Variants in DOCK3 observed in about 807,000 individuals in gnomAD.
DOCK3 encodes the protein dedicator of cytokinesis 3.
Under a neutral mutation model 265.6 loss-of-function variants are expected in DOCK3, and 60 were observed. The observed-to-expected ratio is 0.23, with a 90% confidence interval of 0.18 to 0.28. DOCK3 has a LOEUF of 0.28. Ranked by LOEUF, DOCK3 falls within the 10% of genes least tolerant of loss-of-function variation. The pLI, the probability that DOCK3 is intolerant of heterozygous loss-of-function variation, is 1.00. For synonymous variants in DOCK3, 881 were observed against 938.0 expected, an observed-to-expected ratio of 0.94 and a Z score of 1.11; for missense variants, 1,981 against 2,594.3, an observed-to-expected ratio of 0.76 and a Z score of 5.14.
At chr3:51,142,929 C>T (rs1178773775) in intron 9 of DOCK3, among the ~76,000 whole-genome samples, 2 of 151,948 alleles carry the variant, frequency 1.3e-5, no homozygotes, top group Non-Finnish European at 2.9e-5. Context: ...TCTTGTTGCC[C>T]GGGCTGGAGT....
chr3:51,320,263 G>T (rs1220429574), intron 32 of DOCK3, among the ~76,000 whole-genome samples: 1 of 152,148 alleles, frequency 6.6e-6, no homozygotes, highest in African/African-American at 2.4e-5. Flanking sequence ...GAGGGACTGT[G>T]AACTGTGCAA....
chr3:51,041,162 G>GTATATATATATA (rs1167854334), intron 5 of DOCK3, among the ~76,000 whole-genome samples: 5 of 30,876 alleles, frequency 1.6e-4, no homozygotes, highest in South Asian at 3.1e-3. Context: ...CTTACAAAAT[G>GTATATATATATA]TATATATATA....
At chr3:50,719,858 G>T in intron 1 of DOCK3, 2 of 701,984 alleles carry the variant, frequency 2.8e-6, no homozygotes, top group Non-Finnish European at 5.2e-6. Context: ...TCTTTCCAGT[G>T]CTCAGAGCAT....
At chr3:50,730,246 A>G (rs2038111709) in intron 1 of DOCK3, among the ~76,000 whole-genome samples, 1 of 152,062 alleles carries the variant, frequency 6.6e-6, no homozygotes, top group South Asian at 2.1e-4. Flanking sequence ...GGTTCAAGCG[A>G]TTCTCCTGCC....
intron 9 of DOCK3, among the ~76,000 whole-genome samples, chr3:51,104,197 G>A (rs1478474922): frequency 1.3e-4 from 20 of 152,272 alleles, no homozygotes; most frequent in Admixed American, 1.2e-3. Flanking sequence ...GAAGCTCTCA[G>A]GCAGAAGCAT....
At chr3:51,091,956 C>T (rs764222266) in intron 9 of DOCK3, among the ~76,000 whole-genome samples, 39 of 152,186 alleles carry the variant, frequency 2.6e-4, no homozygotes, top group Admixed American at 8.5e-4. Flanking sequence ...CTGAGCCTGA[C>T]GAACTGTGCA....
chr3:50,869,391 G>T (rs866864443), intron 3 of DOCK3, among the ~76,000 whole-genome samples: 1,387 of 29,252 alleles, frequency 0.047, 91 homozygotes, highest in African/African-American at 0.14. Context: ...TTTTTTTTTT[G>T]GAGATAGGGT....
At chr3:50,883,246 C>A (rs1415627153) in intron 3 of DOCK3, among the ~76,000 whole-genome samples, 3 of 151,674 alleles carry the variant, frequency 2.0e-5, no homozygotes, top group Non-Finnish European at 2.9e-5. Flanking sequence ...TGCACATGTA[C>A]CCTAGAACTT....
At chr3:50,788,485 C>A (rs561670978) in intron 2 of DOCK3, among the ~76,000 whole-genome samples, 1 of 152,332 alleles carries the variant, frequency 6.6e-6, no homozygotes, top group East Asian at 1.9e-4. Flanking sequence ...CAAGAGCAGA[C>A]CACTAGTGAT....
chr3:51,274,575 C>T (rs909506539), intron 24 of DOCK3, among the ~76,000 whole-genome samples: 5 of 151,998 alleles, frequency 3.3e-5, no homozygotes, highest in African/African-American at 1.2e-4. Flanking sequence ...CCCAGGAGTT[C>T]AAGACTAGCT....
At chr3:51,076,829 G>A (rs2082072811) in intron 7 of DOCK3, among the ~76,000 whole-genome samples, 1 of 152,190 alleles carries the variant, frequency 6.6e-6, no homozygotes, top group East Asian at 1.9e-4. Flanking sequence ...AAGGCACACA[G>A]CATATGGAAG....
intron 14 of DOCK3, among the ~76,000 whole-genome samples, chr3:51,223,335 T>C (rs1265431419): frequency 6.6e-6 from 1 of 152,164 alleles, no homozygotes; most frequent in Admixed American, 6.5e-5. Context: ...AACCTGTGTA[T>C]AGAGCCACAG....
intron 31 of DOCK3, among the ~76,000 whole-genome samples, chr3:51,313,375 C>G (rs901693862): frequency 6.6e-6 from 1 of 152,206 alleles, no homozygotes; most frequent in Non-Finnish European, 1.5e-5. Flanking sequence ...ATACTTGACA[C>G]CAGTTGCATG....
At chr3:50,717,302 C>T (rs898908894) in intron 1 of DOCK3, among the ~76,000 whole-genome samples, 1 of 152,180 alleles carries the variant, frequency 6.6e-6, no homozygotes, top group African/African-American at 2.4e-5. Context: ...TGAGTGTACG[C>T]ACTTGTCTTT....
chr3:50,737,567 G>A (rs985533278), intron 1 of DOCK3, among the ~76,000 whole-genome samples: 6 of 152,182 alleles, frequency 3.9e-5, no homozygotes, highest in Non-Finnish European at 5.9e-5. Flanking sequence ...TAGTTTACTT[G>A]ATGGTGTCCC....
chr3:50,795,159 A>T lies in DOCK3; in HGVS notation c.121+16401A>T, dbSNP rs376681438. ...CTGATCTTTCATTCTAGCTACCTTT[A>T]ACATTTTTTCTTTCATTTTGACTTT... On this transcript the variant is annotated intron_variant, in intron 2 of 52. Transcript: ENST00000266037. Among the ~76,000 whole-genome samples, 56 of 152,142 alleles carry T rather than the reference A, an allele frequency of 3.7e-4. 1 individual carries two copies. The South Asian group carries it at 0.01, about 28-fold the overall frequency.
At chr3:50,952,676 A>C (rs903432086) in intron 5 of DOCK3, among the ~76,000 whole-genome samples, 6 of 152,140 alleles carry the variant, frequency 3.9e-5, no homozygotes, top group Non-Finnish European at 8.8e-5. Flanking sequence ...CCATAATTAT[A>C]AGGCACAATA....
In DOCK3 at chr3:51,246,862, G is replaced by A; in HGVS notation, c.2184+55G>A. ...GACCCACTCATGCAATTATTTGTGAGTAATCTCAGTGATACAATGTGCAGG... is the reference window on the plus strand; with the variant it reads ...GACCCACTCATGCAATTATTTGTGAATAATCTCAGTGATACAATGTGCAGG... On this transcript the variant is annotated intron_variant, in intron 22 of 52. Transcript: ENST00000266037. The A allele has an allele frequency of 2.6e-6, 4 of 1,533,344 alleles. No individual in the cohort carries two copies. In the South Asian group the frequency reaches 4.7e-5, roughly 18 times the overall value. 95.0% of individuals were successfully genotyped at this position (1,533,344 alleles called of 1,614,324 possible). A position where few individuals can be genotyped will look rare whatever the true frequency, so the allele number is the denominator to read the frequency against.
intron 27 of DOCK3, among the ~76,000 whole-genome samples, chr3:51,307,537 C>A (rs1423757779): frequency 6.6e-6 from 1 of 152,198 alleles, no homozygotes; most frequent in Non-Finnish European, 1.5e-5. Context: ...CAATAACTCT[C>A]CGCATTTTGT....
Sources: gnomAD v4.1 joint callset for allele counts (sites outside exome capture counted in the v4.1 genomes callset) on GRCh38, gnomAD v4.1.1 for gene constraint, MANE v1.5 for transcripts, NCBI Gene and HGNC (gene_info 2026-07-23, HGNC 2026-07-21) for gene names.